REV3L: variants seen among roughly 807,000 people sequenced by gnomAD.
The protein encoded by REV3L is DNA polymerase zeta catalytic subunit.
A neutral mutation model predicts 299.4 loss-of-function variants in REV3L; 69 were observed. That is an observed-to-expected ratio of 0.23 (90% CI 0.19 to 0.28). The LOEUF (loss-of-function observed/expected upper bound fraction) is 0.28, where lower values mean the gene tolerates loss of function less well. Ranked by LOEUF, REV3L falls within the 10% of genes least tolerant of loss-of-function variation. The pLI, the probability that REV3L is intolerant of heterozygous loss-of-function variation, is 1.00. For synonymous variants in REV3L, 1,238 were observed against 1,271.4 expected, an observed-to-expected ratio of 0.97 and a Z score of 0.56; for missense variants, 3,128 against 3,693.8, an observed-to-expected ratio of 0.85 and a Z score of 3.97.
chr6:111,466,384 GA>G (rs1258215641), intron 1 of REV3L, among the ~76,000 whole-genome samples: 1 of 152,052 alleles, frequency 6.6e-6, no homozygotes, highest in Non-Finnish European at 1.5e-5. Flanking sequence ...TGACACATTA[GA>G]TTTTTTTTAA....
intron 20 of REV3L, among the ~76,000 whole-genome samples, chr6:111,346,104 T>C (rs990504610): frequency 9.2e-5 from 14 of 152,262 alleles, no homozygotes; most frequent in Admixed American, 5.2e-4. Flanking sequence ...CCAACATCCA[T>C]ACCCATATAT....
intron 1 of REV3L, among the ~76,000 whole-genome samples, chr6:111,450,840 T>C (rs1789451494): frequency 2.0e-5 from 3 of 152,228 alleles, no homozygotes; most frequent in African/African-American, 7.2e-5. Flanking sequence ...GTCCAATCTG[T>C]TGCTTATGCT....
chr6:111,330,775 C>T (rs1775301432), intron 24 of REV3L, among the ~76,000 whole-genome samples: 1 of 152,054 alleles, frequency 6.6e-6, no homozygotes, highest in Non-Finnish European at 1.5e-5. Context: ...TATAGAGACC[C>T]ATTTAATAAA....
In REV3L at chr6:111,311,065, T is replaced by A; in HGVS notation, c.8795+4A>T. On this transcript the variant is annotated splice_donor_region_variant and intron_variant, in intron 29 of 31. Coordinates refer to ENST00000368802, the MANE Select transcript of REV3L (RefSeq NM_001372078.1). Reference sequence around the variant, plus strand: ...TCCTGGCAAGGTACTGAGGGTATCATTACCTTGTAAGTTCAAGGGCTGGCA... The same window carrying A: ...TCCTGGCAAGGTACTGAGGGTATCAATACCTTGTAAGTTCAAGGGCTGGCA... 2 of 1,609,540 alleles carry A rather than the reference T, an allele frequency of 1.2e-6. No homozygotes were observed. The highest frequency in any genetic ancestry group is 1.7e-6 in the Non-Finnish European group (2 of 1,177,568).
intron 5 of REV3L, 48 bp downstream of exon 5, chr6:111,392,828 A>C (rs1782074441): frequency 8.3e-7 from 1 of 1,198,012 alleles, no homozygotes; most frequent in Admixed American, 1.7e-5. Flanking sequence ...TTCTGATCAC[A>C]ACTAGGATAT....
At chr6:111,379,656 C>A (rs1780634356) in intron 11 of REV3L, among the ~76,000 whole-genome samples, 1 of 152,210 alleles carries the variant, frequency 6.6e-6, no homozygotes, top group South Asian at 2.1e-4. Context: ...AACAGTTCAA[C>A]TATCACAGGG....
chr6:111,311,577 G>A (rs1772981118), intron 28 of REV3L: 1 of 171,740 alleles, frequency 5.8e-6, no homozygotes, highest in Non-Finnish European at 1.2e-5. Context: ...AAGCCTCTAG[G>A]TACAAGAAAC....
At chr6:111,393,680 C>CT (rs1782176332) in intron 4 of REV3L, among the ~76,000 whole-genome samples, 1 of 151,984 alleles carries the variant, frequency 6.6e-6, no homozygotes, top group East Asian at 1.9e-4. Context: ...TTCCCAGCCT[C>CT]TAGTAACTAC....
rs117863515 is a variant in REV3L, at chr6:111,412,889, A to G, written c.330-1335T>C. On this transcript the variant is annotated intron_variant, in intron 2 of 31. Transcript: ENST00000368802. ...CCTCCAACCACTCTAAACATTTCAG[A>G]CCCTCTAACTCGATCCCTCAAGTGG... Among the ~76,000 whole-genome samples, 25 of 151,974 alleles carry G rather than the reference A, an allele frequency of 1.6e-4. No individual in the cohort carries two copies. In the East Asian group the frequency reaches 4.5e-3, roughly 27 times the overall value.
At chr6:111,385,267 A>G (rs1781232672) in intron 9 of REV3L, among the ~76,000 whole-genome samples, 1 of 152,164 alleles carries the variant, frequency 6.6e-6, no homozygotes, top group Non-Finnish European at 1.5e-5. Flanking sequence ...AATGTTTGTA[A>G]CACAAAGAAA....
chr6:111,358,478 G>GTCT (rs1221105964), intron 17 of REV3L, among the ~76,000 whole-genome samples: 2 of 151,884 alleles, frequency 1.3e-5, no homozygotes, highest in African/African-American at 4.8e-5. Flanking sequence ...AATAAATGGG[G>GTCT]TCTTGCTATG....
At chr6:111,325,757 G>A (rs767226091) in intron 25 of REV3L, among the ~76,000 whole-genome samples, 5 of 152,062 alleles carry the variant, frequency 3.3e-5, no homozygotes, top group Non-Finnish European at 7.4e-5. Context: ...ATCACCTCAA[G>A]CATTTATCAT....
intron 1 of REV3L, 126 bp downstream of exon 1, chr6:111,482,624 G>A: frequency 2.0e-5 from 9 of 443,560 alleles, no homozygotes; most frequent in Non-Finnish European, 2.8e-5. Context: ...CGGAGGGGAG[G>A]GAAGACGCGG....
At position 111,376,754 on chromosome 6, in the gene REV3L, T is replaced by C. The variant is rs1282165377; in HGVS notation, c.1601A>G (p.Asn534Ser). The C allele has an allele frequency of 6.4e-7, 1 of 1,565,066 alleles. No homozygotes were observed. Among genetic ancestry groups the C allele is most frequent in the Non-Finnish European group, 8.6e-7 (1 of 1,166,214 alleles). The change falls in exon 13 of 32, where the codon AAT becomes AGT. Residue 534 changes from asparagine (N) to serine (S), a missense_variant. Asn to Ser is a conservative substitution (Grantham distance 46). Transcript: ENST00000368802. ...LDGTADENSD[N>S]PLNNENSRTH... Reference sequence around the variant, plus strand: ...TCTAGAATTTTCATTGTTCAATGGATTGTCTGAAATGAGGAGGGAAAAACA... The same window carrying C: ...TCTAGAATTTTCATTGTTCAATGGACTGTCTGAAATGAGGAGGGAAAAACA...
intron 1 of REV3L, among the ~76,000 whole-genome samples, chr6:111,464,890 T>A (rs557146546): frequency 6.6e-6 from 1 of 151,742 alleles, no homozygotes; most frequent in African/African-American, 2.4e-5. Flanking sequence ...TAGTCCCAGC[T>A]ACTTGGGAGG....
At position 111,463,952 on chromosome 6, in the gene REV3L, C is replaced by T. The variant is rs72947127; in HGVS notation, c.139+18798G>A. On this transcript the variant is annotated intron_variant, in intron 1 of 31. Coordinates refer to ENST00000368802, the MANE Select transcript of REV3L (RefSeq NM_001372078.1). ...AAACAACCAATATCAACATAATTGA[C>T]GCAGCATAGCTGTCTTCATCCTGGC... 9.9e-3 allele frequency among the ~76,000 whole-genome samples: 1,500 copies of T among 152,214 alleles called. 14 individuals are homozygous for T. The highest frequency in any genetic ancestry group is 0.017 in the Non-Finnish European group (1,138 of 68,012).
intron 1 of REV3L, among the ~76,000 whole-genome samples, chr6:111,452,923 A>C (rs1316662108): frequency 1.3e-5 from 2 of 152,188 alleles, no homozygotes; most frequent in East Asian, 3.8e-4. Context: ...AAAAATGTGG[A>C]AATCACTGGA....
intron 21 of REV3L, among the ~76,000 whole-genome samples, chr6:111,339,747 T>C (rs1776289605): frequency 6.6e-6 from 1 of 152,182 alleles, no homozygotes. Context: ...GACTTTTTAA[T>C]TTAAAAAAGT....
chr6:111,378,319 T>G (rs932661652), intron 11 of REV3L, among the ~76,000 whole-genome samples: 1 of 152,230 alleles, frequency 6.6e-6, no homozygotes. Flanking sequence ...TTAAGTTTCA[T>G]CTCATATTGG....
Sources: allele counts gnomAD v4.1 joint callset (sites outside exome capture counted in the v4.1 genomes callset), GRCh38; gene constraint gnomAD v4.1.1; transcripts MANE v1.5; gene names NCBI Gene and HGNC (gene_info 2026-07-23, HGNC 2026-07-21).